Variants in ARHGAP15 observed in about 807,000 individuals in gnomAD.
ARHGAP15 encodes the protein Rho GTPase activating protein 15.
A neutral mutation model predicts 63.7 loss-of-function variants in ARHGAP15; 51 were observed. That is an observed-to-expected ratio of 0.80 (90% CI 0.64 to 1.01). ARHGAP15 has a LOEUF of 1.01. Ranked by LOEUF, ARHGAP15 falls within the 50% of genes least tolerant of loss-of-function variation. ARHGAP15 has a pLI of 0.00. For missense variants in ARHGAP15, 560 were observed against 564.6 expected, an observed-to-expected ratio of 0.99 and a Z score of 0.08; for synonymous variants, 191 against 193.8, an observed-to-expected ratio of 0.99 and a Z score of 0.12.
At chr2:143,666,149 C>T (rs1443827249) in intron 12 of ARHGAP15, among the ~76,000 whole-genome samples, 11 of 151,514 alleles carry the variant, frequency 7.3e-5, no homozygotes, top group Admixed American at 3.3e-4. Context: ...GGAGGCATCA[C>T]ACTACCTGAC....
At chr2:143,736,296 T>C (rs1685741955) in intron 13 of ARHGAP15, among the ~76,000 whole-genome samples, 1 of 151,720 alleles carries the variant, frequency 6.6e-6, no homozygotes, top group African/African-American at 2.4e-5. Flanking sequence ...CTCAGGAGGC[T>C]GAGGCAGGAG....
intron 3 of ARHGAP15, among the ~76,000 whole-genome samples, chr2:143,212,745 T>A (rs946221596): frequency 6.6e-6 from 1 of 152,194 alleles, no homozygotes; most frequent in African/African-American, 2.4e-5. Context: ...TAAACCCACA[T>A]GCAAAATGCA....
Position 143,397,569 on chromosome 2 carries a change from G to C in ARHGAP15, c.475-38032G>C, listed in dbSNP as rs13027128. 3.8e-4 allele frequency among the ~76,000 whole-genome samples: 50 copies of C among 130,396 alleles called. No homozygotes were observed. In the East Asian group the frequency reaches 9.7e-3, roughly 25 times the overall value. The allele number at this position is 130,396 out of a possible 152,430, so 85.5% of individuals were successfully genotyped here. A position where few individuals can be genotyped will look rare whatever the true frequency, so the allele number is the denominator to read the frequency against. ...TGTTAAAATATTGGCAAAAAAAAAC[G>C]AAGAAGAAATAAAATATAACCCTAG... is the stretch of plus-strand genomic sequence containing the variant. On this transcript the variant is annotated intron_variant, in intron 6 of 13. Coordinates refer to ENST00000295095, the MANE Select transcript of ARHGAP15 (RefSeq NM_018460.4).
chr2:143,373,007 G>C (rs1303123000), intron 6 of ARHGAP15, among the ~76,000 whole-genome samples: 1 of 149,522 alleles, frequency 6.7e-6, no homozygotes, highest in East Asian at 2.0e-4. Flanking sequence ...AAAAAATCTA[G>C]TGAGGGAGAT....
At chr2:143,674,009 G>GA (rs1204870869) in intron 12 of ARHGAP15, among the ~76,000 whole-genome samples, 1 of 151,692 alleles carries the variant, frequency 6.6e-6, no homozygotes, top group East Asian at 1.9e-4. Context: ...AAATATTGGT[G>GA]AAAATAATGA....
At chr2:143,424,519 A>G (rs10928174) in intron 6 of ARHGAP15, among the ~76,000 whole-genome samples, 136,406 of 151,952 alleles carry the variant, frequency 0.9, 61,501 homozygotes, top group Middle Eastern at 0.97. Context: ...CAGAGAGGGC[A>G]TAGGGACAGC....
At chr2:143,263,984 G>T (rs1248292528) in intron 6 of ARHGAP15, among the ~76,000 whole-genome samples, 7 of 128,770 alleles carry the variant, frequency 5.4e-5, no homozygotes, top group African/African-American at 2.1e-4. Flanking sequence ...CATGAATCAG[G>T]CTTGAGGTTT....
intron 6 of ARHGAP15, among the ~76,000 whole-genome samples, chr2:143,382,376 A>G (rs1687096977): frequency 6.6e-6 from 1 of 152,126 alleles, no homozygotes; most frequent in African/African-American, 2.4e-5. Flanking sequence ...ACAGCTGCCA[A>G]TCTTTGACAG....
intron 11 of ARHGAP15, among the ~76,000 whole-genome samples, chr2:143,608,983 G>T (rs1196668018): frequency 3.9e-5 from 6 of 152,072 alleles, no homozygotes; most frequent in Admixed American, 3.9e-4. Context: ...CTTTGTTGTG[G>T]GCTGCCTTGC....
chr2:143,356,378 CAA>C (rs1268487696), intron 6 of ARHGAP15, among the ~76,000 whole-genome samples: 1 of 152,032 alleles, frequency 6.6e-6, no homozygotes, highest in African/African-American at 2.4e-5. Flanking sequence ...CTCCAGGAAA[CAA>C]AAGAAATTGC....
intron 6 of ARHGAP15, among the ~76,000 whole-genome samples, chr2:143,307,145 G>C (rs1046830612): frequency 1.3e-4 from 20 of 152,074 alleles, no homozygotes; most frequent in African/African-American, 4.6e-4. Flanking sequence ...TCTATTTTGA[G>C]CCCTTTTTCT....
At chr2:143,405,396 G>T (rs1241985231) in intron 6 of ARHGAP15, among the ~76,000 whole-genome samples, 1 of 150,550 alleles carries the variant, frequency 6.6e-6, no homozygotes, top group South Asian at 2.1e-4. Context: ...TTATTCTTAC[G>T]GTTATCCTTG....
chr2:143,447,489 G>A (rs1053795976), intron 8 of ARHGAP15, among the ~76,000 whole-genome samples: 1 of 152,156 alleles, frequency 6.6e-6, no homozygotes, highest in African/African-American at 2.4e-5. Context: ...TGCCCACCAT[G>A]TTCACTGTAT....
intron 6 of ARHGAP15, among the ~76,000 whole-genome samples, chr2:143,420,460 T>G (rs548556192): frequency 1.3e-5 from 2 of 152,292 alleles, no homozygotes; most frequent in African/African-American, 4.8e-5. Flanking sequence ...TCACATCATC[T>G]GGGTTACATT....
At chr2:143,359,065 A>G (rs1021284835) in intron 6 of ARHGAP15, among the ~76,000 whole-genome samples, 1 of 152,192 alleles carries the variant, frequency 6.6e-6, no homozygotes, top group Non-Finnish European at 1.5e-5. Flanking sequence ...TATCTACATA[A>G]TAGTATGATA....
intron 6 of ARHGAP15, among the ~76,000 whole-genome samples, chr2:143,319,094 C>T (rs989954168): frequency 2.0e-4 from 31 of 152,196 alleles, no homozygotes; most frequent in African/African-American, 4.8e-4. Flanking sequence ...TCTCCTATCT[C>T]CTAGACCACA....
intron 10 of ARHGAP15, among the ~76,000 whole-genome samples, chr2:143,519,835 T>C (rs1310463237): frequency 1.3e-5 from 2 of 152,220 alleles, no homozygotes; most frequent in Non-Finnish European, 2.9e-5. Flanking sequence ...TAACGGGTTT[T>C]TTCAGGAACA....
chr2:143,534,410 T>C (rs771244434), intron 10 of ARHGAP15, among the ~76,000 whole-genome samples: 9 of 152,150 alleles, frequency 5.9e-5, no homozygotes, highest in Non-Finnish European at 1.3e-4. Flanking sequence ...GACCCAGTGA[T>C]GTATACACAG....
At chr2:143,369,065 A>G (rs1686426549) in intron 6 of ARHGAP15, among the ~76,000 whole-genome samples, 1 of 152,164 alleles carries the variant, frequency 6.6e-6, no homozygotes, top group Admixed American at 6.6e-5. Context: ...CCAAAAAACA[A>G]TAAAAAATAT....
Sources: gnomAD v4.1 joint callset for allele counts (sites outside exome capture counted in the v4.1 genomes callset) on GRCh38, gnomAD v4.1.1 for gene constraint, MANE v1.5 for transcripts, NCBI Gene and HGNC (gene_info 2026-07-23, HGNC 2026-07-21) for gene names.